CDH12: variants seen among roughly 807,000 people sequenced by gnomAD.
CDH12 encodes the protein cadherin 12, also known as cadherin-12.
In CDH12, 41 loss-of-function variants were observed where a neutral mutation model predicts 74.1. The observed-to-expected ratio is 0.55, with a 90% CI of 0.43 to 0.72. The LOEUF (loss-of-function observed/expected upper bound fraction) is 0.72, where lower values mean the gene tolerates loss of function less well. Among genes scored for constraint, CDH12 ranks in the 30% least tolerant of loss-of-function variants. CDH12 has a pLI of 0.00. For synonymous variants in CDH12, 399 were observed against 355.0 expected, an observed-to-expected ratio of 1.12 and a Z score of -1.39; for missense variants, 945 against 977.2, an observed-to-expected ratio of 0.97 and a Z score of 0.44.
intron 4 of CDH12, among the ~76,000 whole-genome samples, chr5:22,169,785 C>A (rs964083914): frequency 1.3e-5 from 2 of 151,788 alleles, no homozygotes; most frequent in African/African-American, 4.8e-5. Flanking sequence ...TCTGAGTTAC[C>A]TCTGTTTTAT....
intron 1 of CDH12, chr5:22,580,777 T>C (rs914053488): frequency 7.6e-6 from 2 of 261,574 alleles, no homozygotes; most frequent in Non-Finnish European, 1.6e-5. Context: ...CCTCTCCATT[T>C]CGAGGTTGTT....
At chr5:22,728,492 A>T (rs1458191166) in intron 1 of CDH12, among the ~76,000 whole-genome samples, 1 of 151,730 alleles carries the variant, frequency 6.6e-6, no homozygotes, top group African/African-American at 2.4e-5. Context: ...CATTCATAAA[A>T]CTCTGTAGTA....
chr5:22,094,488 G>A (rs1743626318), intron 4 of CDH12, among the ~76,000 whole-genome samples: 1 of 152,168 alleles, frequency 6.6e-6, no homozygotes, highest in African/African-American at 2.4e-5. Flanking sequence ...TCAGAGGAAT[G>A]TGTACAAGGG....
At chr5:22,701,423 A>G (rs1742708358) in intron 1 of CDH12, among the ~76,000 whole-genome samples, 1 of 152,112 alleles carries the variant, frequency 6.6e-6, no homozygotes, top group South Asian at 2.1e-4. Context: ...AGATTAAAAA[A>G]AAAGATTGTC....
intron 3 of CDH12, among the ~76,000 whole-genome samples, chr5:22,363,968 T>C (rs1379820345): frequency 6.6e-6 from 1 of 152,232 alleles, no homozygotes; most frequent in Non-Finnish European, 1.5e-5. Context: ...TTTTATCCTG[T>C]GGCCTTATAA....
At chr5:22,164,646 C>A (rs12657424) in intron 4 of CDH12, among the ~76,000 whole-genome samples, 2 of 152,068 alleles carry the variant, frequency 1.3e-5, no homozygotes, top group Non-Finnish European at 2.9e-5. Context: ...TTGCTGGCTC[C>A]AGTGCCTGGG....
chr5:22,445,569 A>C (rs1024722202), intron 2 of CDH12, among the ~76,000 whole-genome samples: 11 of 152,142 alleles, frequency 7.2e-5, no homozygotes, highest in African/African-American at 2.7e-4. Context: ...TAATATACCT[A>C]GTCCTGTGTA....
intron 2 of CDH12, among the ~76,000 whole-genome samples, chr5:22,470,904 C>A (rs751172910): frequency 1.3e-5 from 2 of 150,334 alleles, no homozygotes; most frequent in South Asian, 2.1e-4. Flanking sequence ...ACTCTGCACC[C>A]GTATCTGAAA....
intron 2 of CDH12, among the ~76,000 whole-genome samples, chr5:22,440,449 A>G (rs1271712516): frequency 6.6e-6 from 1 of 152,138 alleles, no homozygotes; most frequent in Non-Finnish European, 1.5e-5. Context: ...AACCTCCTCC[A>G]TCATCCTAGT....
chr5:21,763,271 A>G (rs1744827786), intron 12 of CDH12, among the ~76,000 whole-genome samples: 2 of 152,174 alleles, frequency 1.3e-5, no homozygotes, highest in Admixed American at 1.3e-4. Flanking sequence ...GCAGTCACCA[A>G]AATTATATCT....
intron 6 of CDH12, among the ~76,000 whole-genome samples, chr5:21,959,752 CAAA>C (rs1176227757): frequency 3.6e-4 from 29 of 80,832 alleles, no homozygotes; most frequent in South Asian, 1.3e-3. Flanking sequence ...TACTAAAATC[CAAA>C]AAAAAAAAAA....
intron 5 of CDH12, among the ~76,000 whole-genome samples, chr5:22,058,053 TTTTA>T (rs560195415): frequency 4.0e-5 from 6 of 150,460 alleles, no homozygotes; most frequent in East Asian, 3.9e-4. Flanking sequence ...ATCATCTATC[TTTTA>T]TTTATTTATT....
chr5:22,442,257 TAA>T (rs1232009285), intron 2 of CDH12, among the ~76,000 whole-genome samples: 1 of 152,156 alleles, frequency 6.6e-6, no homozygotes, highest in African/African-American at 2.4e-5. Context: ...AGAGGAAACG[TAA>T]GAGATCTTTT....
chr5:21,783,958 A>G (rs1017948064), intron 10 of CDH12, among the ~76,000 whole-genome samples: 1 of 152,120 alleles, frequency 6.6e-6, no homozygotes, highest in East Asian at 1.9e-4. Flanking sequence ...CAAACGGTAA[A>G]TTTTTTTAAC....
chr5:22,150,539 C>CACAT (rs1392750512), intron 4 of CDH12, among the ~76,000 whole-genome samples: 115 of 150,836 alleles, frequency 7.6e-4, no homozygotes, highest in Non-Finnish European at 1.3e-3. Context: ...CACACACACA[C>CACAT]ATATATATAT....
intron 1 of CDH12, among the ~76,000 whole-genome samples, chr5:22,544,918 G>T (rs376262192): frequency 6.6e-5 from 10 of 151,968 alleles, no homozygotes; most frequent in African/African-American, 2.4e-4. Flanking sequence ...TACAGGTGAC[G>T]TTCTTTTTTA....
chr5:21,945,427 CA>C (rs1167475672), intron 6 of CDH12, among the ~76,000 whole-genome samples: 374 of 15,424 alleles, frequency 0.024, no homozygotes, highest in African/African-American at 0.061. Flanking sequence ...CTGTTTCAGA[CA>C]AAAAAAAAAA....
chr5:22,195,940 T>G (rs928519935), intron 4 of CDH12, among the ~76,000 whole-genome samples: 13 of 152,174 alleles, frequency 8.5e-5, no homozygotes, highest in Non-Finnish European at 4.4e-5. Context: ...TAGCAATAAT[T>G]TTTTAAAAGA....
intron 1 of CDH12, among the ~76,000 whole-genome samples, chr5:22,824,028 A>T (rs534953062): frequency 6.6e-6 from 1 of 152,192 alleles, no homozygotes; most frequent in Non-Finnish European, 1.5e-5. Flanking sequence ...AAATTCATAT[A>T]ATAATGATAA....
Sources: gnomAD v4.1 joint callset for allele counts (sites outside exome capture counted in the v4.1 genomes callset) on GRCh38, gnomAD v4.1.1 for gene constraint, MANE v1.5 for transcripts, NCBI Gene and HGNC (gene_info 2026-07-23, HGNC 2026-07-21) for gene names.